DDO: variants seen among roughly 807,000 people sequenced by gnomAD.
DDO encodes D-aspartate oxidase, DDO.
A neutral mutation model predicts 16.8 loss-of-function variants in DDO; 16 were observed. That is an observed-to-expected ratio of 0.95 (90% CI 0.65 to 1.45). The LOEUF is 1.45. Among genes scored for constraint, DDO ranks in the 40% most tolerant of loss-of-function variants. The probability of loss-of-function intolerance (pLI) is 0.00; values close to 1 mark genes in which losing one functional copy is unlikely to be tolerated. For missense variants in DDO, 429 were observed against 420.3 expected, an observed-to-expected ratio of 1.02 and a Z score of -0.18; for synonymous variants, 180 against 167.2, an observed-to-expected ratio of 1.08 and a Z score of -0.59.
intron 1 of DDO, 60 bp downstream of exon 1, chr6:110,415,407 T>G (rs9384742): frequency 6.2e-7 from 1 of 1,602,718 alleles, no homozygotes; most frequent in Admixed American, 1.7e-5. Flanking sequence ...TCAGACACAC[T>G]CCCAAACTCC....
intron 1 of DDO, among the ~76,000 whole-genome samples, chr6:110,415,101 G>C (rs907652227): frequency 6.6e-6 from 1 of 152,254 alleles, no homozygotes; most frequent in African/African-American, 2.4e-5. Context: ...GGTCAGCTGA[G>C]AGAGAGTGGG....
chr6:110,406,314 C>A (rs576310576), intron 3 of DDO, among the ~76,000 whole-genome samples: 7 of 152,302 alleles, frequency 4.6e-5, no homozygotes, highest in African/African-American at 1.7e-4. Flanking sequence ...CACACATCCA[C>A]TCTTTTCCCA....
rs57663802 is a variant in DDO at position 110,396,691 on chromosome 6, TTTTG to T, written c.459-3353_459-3350del. Among the ~76,000 whole-genome samples the T allele has an allele frequency of 3.8e-3, 568 of 150,924 alleles. 1 individual carries two copies. The highest frequency in any genetic ancestry group is 0.013 in the East Asian group (65 of 5,182). The stretch of plus-strand genomic sequence containing the variant: ...AGAGAGAATGAAGCTGGAGCTACTG[TTTTG>T]TTTGTTTGTTTGTTTGTTTGTTTGT... On this transcript the variant is annotated intron_variant, in intron 4 of 4. Transcript: ENST00000368924.
intron 2 of DDO, among the ~76,000 whole-genome samples, chr6:110,411,915 G>T (rs1437296671): frequency 6.6e-6 from 1 of 152,044 alleles, no homozygotes; most frequent in Non-Finnish European, 1.5e-5. Context: ...CCCATTTCAA[G>T]TGGAAAATAC....
intron 2 of DDO, among the ~76,000 whole-genome samples, chr6:110,409,351 T>G (rs1332255872): frequency 6.6e-6 from 1 of 152,114 alleles, no homozygotes; most frequent in Admixed American, 6.5e-5. Context: ...AGAGACTGGC[T>G]AGGGTTAGGC....
At chr6:110,409,903 G>A (rs544171565) in intron 2 of DDO, among the ~76,000 whole-genome samples, 119 of 152,318 alleles carry the variant, frequency 7.8e-4, no homozygotes, top group African/African-American at 2.8e-3. Flanking sequence ...ATCCAGCAGT[G>A]GGTCTAGGAA....
At chr6:110,413,536 T>G in intron 1 of DDO, 70 bp from the exon 2 acceptor site, 1 of 1,544,924 alleles carries the variant, frequency 6.5e-7, no homozygotes, top group Non-Finnish European at 8.8e-7. Flanking sequence ...AGTTTGGTCT[T>G]GACAGTTTTT....
At chr6:110,407,286 A>G (rs978303726) in intron 3 of DDO, among the ~76,000 whole-genome samples, 10 of 152,178 alleles carry the variant, frequency 6.6e-5, no homozygotes, top group African/African-American at 2.4e-4. Context: ...TGTTTTTTCT[A>G]CTTGGCTCAT....
At chr6:110,410,879 C>A (rs969743804) in intron 2 of DDO, among the ~76,000 whole-genome samples, 1 of 152,138 alleles carries the variant, frequency 6.6e-6, no homozygotes, top group Non-Finnish European at 1.5e-5. Flanking sequence ...CAGGAGCTGA[C>A]CAGCCAAGCT....
At chr6:110,389,079 A>G (rs912662435), downstream of DDO, among the ~76,000 whole-genome samples, 1 of 152,246 alleles carries the variant, frequency 6.6e-6, no homozygotes, top group Non-Finnish European at 1.5e-5. Flanking sequence ...TCAGTAAGCT[A>G]AGTAAAGAAG....
chr6:110,398,923 C>T (rs1037810509), intron 4 of DDO, among the ~76,000 whole-genome samples: 1 of 152,132 alleles, frequency 6.6e-6, no homozygotes, highest in African/African-American at 2.4e-5. Context: ...TGTTACAGGG[C>T]CCAGCACAGA....
downstream of DDO, among the ~76,000 whole-genome samples, chr6:110,391,351 CTTT>C (rs10683177): frequency 3.0e-5 from 4 of 133,512 alleles, no homozygotes; most frequent in African/African-American, 2.9e-5. Flanking sequence ...CTCCTCAAGC[CTTT>C]TTTTTTTTTT....
intron 4 of DDO, among the ~76,000 whole-genome samples, chr6:110,398,413 C>A (rs1377182201): frequency 2.8e-4 from 39 of 140,302 alleles, no homozygotes; most frequent in African/African-American, 1.2e-3. Flanking sequence ...CACACACACA[C>A]ACACACACAC....
chr6:110,414,888 G>C (rs1187098270), intron 1 of DDO, among the ~76,000 whole-genome samples: 2 of 152,258 alleles, frequency 1.3e-5, no homozygotes, highest in African/African-American at 2.4e-5. Context: ...AGGCTGGGCA[G>C]CTTCCTCAGC....
At chr6:110,410,797 C>G (rs1043009658) in intron 2 of DDO, among the ~76,000 whole-genome samples, 1 of 152,122 alleles carries the variant, frequency 6.6e-6, no homozygotes, top group African/African-American at 2.4e-5. Flanking sequence ...GGTGGGGATA[C>G]AGCCAAACTA....
At chr6:110,399,113 T>C (rs1773389107) in intron 4 of DDO, among the ~76,000 whole-genome samples, 2 of 152,242 alleles carry the variant, frequency 1.3e-5, no homozygotes, top group Admixed American at 6.5e-5. Flanking sequence ...ATATGAAATA[T>C]GACCTGTGTG....
chr6:110,406,464 T>C (rs1207536390), intron 3 of DDO, among the ~76,000 whole-genome samples: 1 of 152,170 alleles, frequency 6.6e-6, no homozygotes, highest in Non-Finnish European at 1.5e-5. Flanking sequence ...CCCTTAGGCA[T>C]TTCTCAAGTC....
chr6:110,405,825 C>G (rs943208232), intron 3 of DDO, among the ~76,000 whole-genome samples: 1 of 152,072 alleles, frequency 6.6e-6, no homozygotes, highest in Non-Finnish European at 1.5e-5. Context: ...ATCAACTGAG[C>G]CCAGGGAGGT....
intron 4 of DDO, among the ~76,000 whole-genome samples, chr6:110,403,042 T>C (rs138947178): frequency 1.3e-5 from 2 of 152,090 alleles, no homozygotes; most frequent in Admixed American, 1.3e-4. Context: ...CCACTAATAA[T>C]ACCAAAAAAA....
Sources: allele counts gnomAD v4.1 joint callset (sites outside exome capture counted in the v4.1 genomes callset), GRCh38; gene constraint gnomAD v4.1.1; transcripts MANE v1.5; gene names NCBI Gene and HGNC (gene_info 2026-07-23, HGNC 2026-07-21).